ADRA1B: variants seen among roughly 807,000 people sequenced by gnomAD.
The protein encoded by ADRA1B is alpha-1B adrenergic receptor.
Under a neutral mutation model 17.9 loss-of-function variants are expected in ADRA1B, and 17 were observed. That is an observed-to-expected ratio of 0.95 (90% CI 0.65 to 1.42). ADRA1B has a LOEUF of 1.42. ADRA1B is among the 40% of genes most tolerant of loss of function. The pLI, the probability that ADRA1B is intolerant of heterozygous loss-of-function variation, is 0.00. For synonymous variants in ADRA1B, 366 were observed against 327.6 expected (o/e 1.12, Z -1.27); for missense variants, 681 against 722.1 (o/e 0.94, Z 0.65).
At chr5:159,888,872 C>G (rs1484641338) in intron 1 of ADRA1B, among the ~76,000 whole-genome samples, 1 of 152,202 alleles carries the variant, frequency 6.6e-6, no homozygotes, top group Non-Finnish European at 1.5e-5. Flanking sequence ...TACTTGTTTA[C>G]CTGAACTTCG....
the ADRA1B span, among the ~76,000 whole-genome samples, chr5:159,984,064 G>T: frequency 6.6e-6 from 1 of 151,800 alleles, no homozygotes; most frequent in Non-Finnish European, 1.5e-5. Flanking sequence ...TTTTATTTTT[G>T]AGCACTTCTT....
chr5:159,926,450 T>C (rs1246720642), intron 1 of ADRA1B, among the ~76,000 whole-genome samples: 1 of 152,198 alleles, frequency 6.6e-6, no homozygotes, highest in Non-Finnish European at 1.5e-5. Flanking sequence ...TTCTTGTCCT[T>C]CGTGCCCAGG....
intron 1 of ADRA1B, among the ~76,000 whole-genome samples, chr5:159,945,317 A>C (rs1043514055): frequency 1.3e-5 from 2 of 152,108 alleles, no homozygotes; most frequent in African/African-American, 4.8e-5. Flanking sequence ...GCGCCATTGC[A>C]CTCCAGCCTG....
rs976708674 is a variant in ADRA1B, at chr5:159,940,064, C to A, written c.949+22210C>A. 2.6e-5 allele frequency among the ~76,000 whole-genome samples: 4 copies of A among 152,330 alleles called. No homozygotes were observed. The East Asian group carries it at 7.7e-4, about 29-fold the overall frequency. ...GGACAACTCAGTAAGTGAATGAAAT[C>A]TGATCAGAGCTGTGAAGAGGAACTG... is the stretch of plus-strand genomic sequence containing the variant. On this transcript the variant is annotated intron_variant, in intron 1 of 1. Coordinates refer to ENST00000306675, the MANE Select transcript of ADRA1B (RefSeq NM_000679.4).
intron 1 of ADRA1B, among the ~76,000 whole-genome samples, chr5:159,949,948 C>T (rs546796045): frequency 1.3e-5 from 2 of 152,298 alleles, no homozygotes; most frequent in South Asian, 2.1e-4. Context: ...CCAACCCTAC[C>T]CACTCCCCTC....
chr5:159,899,436 G>T (rs1007859505), intron 1 of ADRA1B, among the ~76,000 whole-genome samples: 1 of 152,136 alleles, frequency 6.6e-6, no homozygotes, highest in African/African-American at 2.4e-5. Flanking sequence ...GACAGCCAAT[G>T]CCTGGAAAAT....
At chr5:159,912,070 T>C (rs1306100445), upstream of ADRA1B, among the ~76,000 whole-genome samples, 1 of 152,196 alleles carries the variant, frequency 6.6e-6, no homozygotes, top group Non-Finnish European at 1.5e-5. Context: ...GAAGGCACTT[T>C]GGGCCCAACG....
chr5:159,890,740 C>T lies in ADRA1B; in HGVS notation c.-255-25379C>T, dbSNP rs80111866. Among the ~76,000 whole-genome samples, 6 of 152,328 alleles carry T rather than the reference C, an allele frequency of 3.9e-5. No homozygotes were observed. The East Asian group carries it at 9.6e-4, about 24-fold the overall frequency. On this transcript the variant is annotated intron_variant, in intron 1 of 2. Transcript: ENST00000641205. ...TTCTACAGTCTAACCTGGGAATCCA[C>T]GTGGCATCACTTCTACCACATTCTA...
intron 1 of ADRA1B, among the ~76,000 whole-genome samples, chr5:159,892,929 G>A (rs184092476): frequency 3.8e-4 from 58 of 152,218 alleles, no homozygotes; most frequent in African/African-American, 1.3e-3. Context: ...CACAATAGTT[G>A]AACTAATTTA....
chr5:159,903,465 A>AGT (rs1456462592), intron 1 of ADRA1B, among the ~76,000 whole-genome samples: 4 of 152,254 alleles, frequency 2.6e-5, no homozygotes, highest in African/African-American at 9.6e-5. Context: ...TAGTAGGAGT[A>AGT]GTGGTATATT....
rs183649667 is a variant in ADRA1B at position 159,951,289 on chromosome 5, C to A, written c.950-20590C>A. ...TCCTGGAAGATGGTGATGGGATTTCCATTGATGACAAGCTTCCCTTTCTCA... is the reference window on the plus strand; with the variant it reads ...TCCTGGAAGATGGTGATGGGATTTCAATTGATGACAAGCTTCCCTTTCTCA... On this transcript the variant is annotated intron_variant, in intron 1 of 1. Transcript: ENST00000306675. The A allele has an allele frequency of 7.2e-4, 943 of 1,318,650 alleles. 3 individuals are homozygous for A. Among genetic ancestry groups the A allele is most frequent in the Non-Finnish European group, 9.3e-4 (861 of 926,882 alleles). The allele number at this position is 1,318,650 out of a possible 1,614,324, so 81.7% of individuals were successfully genotyped here.
At chr5:159,880,421 C>A (rs1398002796) in intron 1 of ADRA1B, among the ~76,000 whole-genome samples, 1 of 152,146 alleles carries the variant, frequency 6.6e-6, no homozygotes, top group East Asian at 1.9e-4. Context: ...ATAAAACAGG[C>A]CTATAGAAGT....
chr5:159,889,610 G>A (rs1021051304), intron 1 of ADRA1B, among the ~76,000 whole-genome samples: 2 of 152,154 alleles, frequency 1.3e-5, no homozygotes, highest in Non-Finnish European at 2.9e-5. Flanking sequence ...AAGTAGCCAC[G>A]TACATCCAGG....
intron 1 of ADRA1B, among the ~76,000 whole-genome samples, chr5:159,906,599 A>G (rs1754164549): frequency 6.6e-6 from 1 of 152,230 alleles, no homozygotes; most frequent in South Asian, 2.1e-4. Flanking sequence ...TATTCCCTGT[A>G]AAGTTTGAGC....
intron 1 of ADRA1B, among the ~76,000 whole-genome samples, chr5:159,878,403 C>T (rs1753824476): frequency 6.6e-6 from 1 of 152,214 alleles, no homozygotes; most frequent in South Asian, 2.1e-4. Flanking sequence ...CAGAGTAGGG[C>T]TCCAGTCCAA....
intron 1 of ADRA1B, among the ~76,000 whole-genome samples, chr5:159,892,645 C>T (rs994772275): frequency 1.3e-5 from 2 of 152,206 alleles, no homozygotes; most frequent in South Asian, 2.1e-4. Context: ...CCATCCATGT[C>T]CCTGCAAAAG....
Position 159,971,902 on chromosome 5 carries a change from C to A in ADRA1B, c.973C>A (p.Pro325Thr). The change falls in exon 2 of 2, where the codon CCC (proline) becomes ACC (threonine). Residue 325 changes from proline to threonine, a missense_variant. Physicochemically the swap from Pro to Thr is conservative, Grantham distance 38. Transcript: ENST00000306675. ...PLGSLFSTLKPPDAVFKVVFW... is the reference protein window; with the variant it reads ...PLGSLFSTLKTPDAVFKVVFW... ...AGGCTCCTTGTTCTCCACCCTGAAG[C>A]CCCCCGACGCCGTGTTCAAGGTGGT... 3.5e-6 allele frequency: 4 copies of A among 1,143,390 alleles called. No homozygotes were observed. Among genetic ancestry groups the A allele is most frequent in the Non-Finnish European group, 4.4e-6 (4 of 906,246 alleles). The allele number at this position is 1,143,390 out of a possible 1,614,324, so 70.8% of individuals were successfully genotyped here.
chr5:159,907,962 C>CAG (rs1754180705), intron 1 of ADRA1B, among the ~76,000 whole-genome samples: 1 of 151,580 alleles, frequency 6.6e-6, no homozygotes, highest in South Asian at 2.1e-4. Context: ...CTGTCACACA[C>CAG]ACACACACAC....
At chr5:159,942,491 G>A (rs1301567995) in intron 1 of ADRA1B, among the ~76,000 whole-genome samples, 1 of 152,166 alleles carries the variant, frequency 6.6e-6, no homozygotes, top group Admixed American at 6.5e-5. Flanking sequence ...TAGAAGGAAT[G>A]AATTAGATCT....
Sources: allele counts gnomAD v4.1 joint callset (sites outside exome capture counted in the v4.1 genomes callset), GRCh38; gene constraint gnomAD v4.1.1; transcripts MANE v1.5; gene names NCBI Gene and HGNC (gene_info 2026-07-23, HGNC 2026-07-21).